VDAC2: variants seen among roughly 807,000 people sequenced by gnomAD.
VDAC2 encodes non-selective voltage-gated ion channel VDAC2.
In VDAC2, 6 loss-of-function variants were observed where a neutral mutation model predicts 36.6. The observed-to-expected ratio is 0.16, with a 90% CI of 0.09 to 0.32. The LOEUF is 0.32. VDAC2 is among the 10% of genes least tolerant of loss of function. The probability of loss-of-function intolerance (pLI) is 1.00; values close to 1 mark genes in which losing one functional copy is unlikely to be tolerated. For missense variants in VDAC2, 247 were observed against 346.0 expected (o/e 0.71, Z 2.27); for synonymous variants, 109 against 123.8 (o/e 0.88, Z 0.79).
At chr10:75,227,561 C>G (rs1373659393) in intron 8 of VDAC2, among the ~76,000 whole-genome samples, 1 of 144,220 alleles carries the variant, frequency 6.9e-6, no homozygotes, top group South Asian at 2.2e-4. Context: ...TTAACTCTTA[C>G]TGTTAAATAA....
intron 8 of VDAC2, among the ~76,000 whole-genome samples, chr10:75,225,025 T>C (rs1312532646): frequency 6.6e-6 from 1 of 152,196 alleles, no homozygotes; most frequent in Non-Finnish European, 1.5e-5. Flanking sequence ...TACTGCCATA[T>C]GGTAATATTG....
intron 9 of VDAC2, among the ~76,000 whole-genome samples, chr10:75,230,256 C>A (rs188485608): frequency 3.3e-5 from 5 of 152,138 alleles, no homozygotes; most frequent in African/African-American, 1.2e-4. Flanking sequence ...GATTTTGAAA[C>A]CTAAAGAAAA....
chr10:75,225,091 T>C (rs1160811835), intron 8 of VDAC2, among the ~76,000 whole-genome samples: 1 of 152,218 alleles, frequency 6.6e-6, no homozygotes, highest in Non-Finnish European at 1.5e-5. Flanking sequence ...TTGATGATTA[T>C]ATGTATTGTG....
intron 4 of VDAC2, among the ~76,000 whole-genome samples, chr10:75,216,743 G>A (rs1482884106): frequency 6.6e-6 from 1 of 152,188 alleles, no homozygotes; most frequent in African/African-American, 2.4e-5. Context: ...ATGGCCGTAG[G>A]TGGGGCCCCA....
chr10:75,210,466 C>G (rs192850504), upstream of VDAC2, among the ~76,000 whole-genome samples: 1 of 152,204 alleles, frequency 6.6e-6, no homozygotes, highest in Admixed American at 6.5e-5. Context: ...CGCGCCCTAT[C>G]GCCCCGGCCA....
intron 8 of VDAC2, among the ~76,000 whole-genome samples, chr10:75,228,963 A>G (rs1842033806): frequency 6.6e-6 from 1 of 152,148 alleles, no homozygotes; most frequent in South Asian, 2.1e-4. Context: ...GTCGGTAACT[A>G]AGTCCTAAAA....
chr10:75,218,266 C>T (rs979506834), intron 4 of VDAC2: 2 of 161,562 alleles, frequency 1.2e-5, no homozygotes, highest in African/African-American at 4.8e-5. Flanking sequence ...AGCAGTCCTC[C>T]CACCTCTGCC....
chr10:75,221,824 A>G (rs1022802403), intron 7 of VDAC2, among the ~76,000 whole-genome samples: 3 of 152,232 alleles, frequency 2.0e-5, no homozygotes, highest in African/African-American at 7.2e-5. Flanking sequence ...AGTACTTAAA[A>G]TGTTTTTCTT....
intron 1 of VDAC2, 72 bp from the exon 2 acceptor site, chr10:75,211,062 C>T: frequency 2.1e-6 from 3 of 1,412,520 alleles, no homozygotes; most frequent in South Asian, 2.7e-5. Context: ...CGCGGCCCCT[C>T]GCCCCTCTCT....
intron 8 of VDAC2, among the ~76,000 whole-genome samples, chr10:75,227,955 C>T (rs1037686512): frequency 6.7e-6 from 1 of 149,126 alleles, no homozygotes; most frequent in Non-Finnish European, 1.5e-5. Context: ...AGTGCAGTGG[C>T]AAGATCTCCA....
intron 4 of VDAC2, chr10:75,218,029 A>G: frequency 2.1e-6 from 2 of 942,452 alleles, no homozygotes; most frequent in South Asian, 2.7e-5. Context: ...TTGAGGCTGC[A>G]GTCAGCTGTG....
At chr10:75,217,851 C>G (rs1197402754) in intron 4 of VDAC2, 1 of 1,204,498 alleles carries the variant, frequency 8.3e-7, no homozygotes, top group Non-Finnish European at 1.1e-6. Context: ...GGCCTTTCCT[C>G]CTATTGATAC....
intron 8 of VDAC2, among the ~76,000 whole-genome samples, chr10:75,226,180 G>C (rs1841946616): frequency 1.3e-5 from 2 of 152,138 alleles, no homozygotes; most frequent in South Asian, 2.1e-4. Context: ...AGATATGTCT[G>C]TTATATAAAT....
chr10:75,218,937 A>C (rs1841702854), intron 4 of VDAC2, 126 bp from the exon 5 acceptor site: 1 of 908,548 alleles, frequency 1.1e-6, no homozygotes, highest in Non-Finnish European at 1.6e-6. Context: ...AGTGTTTAGG[A>C]AGCTAGAAAA....
chr10:75,220,715 C>T, intron 6 of VDAC2, 28 bp from the exon 7 acceptor site: 1 of 1,585,034 alleles, frequency 6.3e-7, no homozygotes, highest in Non-Finnish European at 8.6e-7. Flanking sequence ...AAATTTTTCC[C>T]AATGACATCA....
At chr10:75,218,121 G>A (rs1005141567) in intron 4 of VDAC2, 6 of 363,966 alleles carry the variant, frequency 1.6e-5, no homozygotes, top group African/African-American at 4.3e-5. Flanking sequence ...TAAGCCCTCC[G>A]TATTTTTTCT....
At chr10:75,219,555 C>T (rs1217226396) in intron 6 of VDAC2, among the ~76,000 whole-genome samples, 199 bp downstream of exon 6, 1 of 152,180 alleles carries the variant, frequency 6.6e-6, no homozygotes, top group Admixed American at 6.5e-5. Flanking sequence ...ATCATCTTGG[C>T]TCACTGCAGT....
chr10:75,227,566 A>G (rs1297285831), intron 8 of VDAC2, among the ~76,000 whole-genome samples: 1 of 144,440 alleles, frequency 6.9e-6, no homozygotes, highest in African/African-American at 2.7e-5. Flanking sequence ...TCTTACTGTT[A>G]AATAATAGGA....
chr10:75,225,321 T>A (rs1367885017), intron 8 of VDAC2, among the ~76,000 whole-genome samples: 1 of 152,188 alleles, frequency 6.6e-6, no homozygotes, highest in Non-Finnish European at 1.5e-5. Flanking sequence ...AAATACAATT[T>A]TAAAGAATTT....
Sources: allele counts gnomAD v4.1 joint callset (sites outside exome capture counted in the v4.1 genomes callset), GRCh38; gene constraint gnomAD v4.1.1; transcripts MANE v1.5; gene names NCBI Gene and HGNC (gene_info 2026-07-23, HGNC 2026-07-21).